PLEKHA5: variants seen among roughly 807,000 people sequenced by gnomAD.
The protein encoded by PLEKHA5 is pleckstrin homology domain containing A5.
A neutral mutation model predicts 181.9 loss-of-function variants in PLEKHA5; 55 were observed. The ratio of observed to expected loss-of-function variants is 0.30; its 90% CI spans 0.24 to 0.38. The LOEUF (loss-of-function observed/expected upper bound fraction) is 0.38, where lower values mean the gene tolerates loss of function less well. PLEKHA5 is among the 10% of genes least tolerant of loss of function. PLEKHA5 has a pLI of 1.00. For synonymous variants in PLEKHA5, 535 were observed against 529.4 expected, an observed-to-expected ratio of 1.01 and a Z score of -0.15; for missense variants, 1,432 against 1,549.5, an observed-to-expected ratio of 0.92 and a Z score of 1.27.
chr12:19,270,045 A>G, intron 9 of PLEKHA5, 143 bp from the exon 10 acceptor site: 7 of 625,600 alleles, frequency 1.1e-5, no homozygotes, highest in Non-Finnish European at 1.1e-5. Context: ...AATTAAATTA[A>G]TACACATTTT....
chr12:19,207,264 A>G (rs1243854659), intron 3 of PLEKHA5: 1 of 152,094 alleles, frequency 6.6e-6, no homozygotes, highest in African/African-American at 2.4e-5. Flanking sequence ...TTATTTTTTT[A>G]GTCCCAGATA....
intron 29 of PLEKHA5, among the ~76,000 whole-genome samples, chr12:19,362,048 C>T (rs1213656578): frequency 6.6e-6 from 1 of 150,738 alleles, no homozygotes; most frequent in Non-Finnish European, 1.5e-5. Context: ...TGCCTGTAGT[C>T]CTAGTCTGTA....
chr12:19,190,297 A>G (rs2050801303), intron 3 of PLEKHA5, among the ~76,000 whole-genome samples: 2 of 152,240 alleles, frequency 1.3e-5, no homozygotes, highest in African/African-American at 4.8e-5. Flanking sequence ...GAAGCATTGC[A>G]AACAAGTAAA....
chr12:19,281,044 T>G (rs1227291800), intron 11 of PLEKHA5, among the ~76,000 whole-genome samples: 1 of 152,002 alleles, frequency 6.6e-6, no homozygotes, highest in African/African-American at 2.4e-5. Flanking sequence ...ATGTTTCTTG[T>G]TCTGGTGGTG....
intron 25 of PLEKHA5, among the ~76,000 whole-genome samples, chr12:19,352,433 T>C (rs1181920500): frequency 6.6e-6 from 1 of 151,806 alleles, no homozygotes; most frequent in African/African-American, 2.4e-5. Flanking sequence ...TGAGTACCTA[T>C]AGTTAGCTAT....
rs1360107826 is a variant in PLEKHA5, at chr12:19,196,827, T to A, written c.228-57113T>A. On this transcript the variant is annotated intron_variant, in intron 3 of 31. Transcript: ENST00000429027. ...TTTTTTTTTTCTTTTTTTTTTTTTT[T>A]TAGAGAAATAGTGATTTTTCTTTTC... Among the ~76,000 whole-genome samples the A allele has an allele frequency of 2.5e-5, 3 of 117,810 alleles. No individual in the cohort carries two copies. In the East Asian group the frequency reaches 6.5e-4, roughly 26 times the overall value. 77.3% of individuals were successfully genotyped at this position (117,810 alleles called of 152,430 possible).
Position 19,272,572 on chromosome 12 carries a change from T to A in PLEKHA5, c.846-1944T>A, listed in dbSNP as rs1592276981. Among the ~76,000 whole-genome samples the A allele has an allele frequency of 2.0e-5, 3 of 152,036 alleles. 1 individual carries two copies. Among genetic ancestry groups the A allele is most frequent in the African/African-American group, 7.2e-5 (3 of 41,468 alleles). ...TAGGTGACCAGTGAGACCCCGTCTC[T>A]AAAAAAATTTAAAAATTAGCTAGGT... On this transcript the variant is annotated intron_variant, in intron 10 of 31. Transcript: ENST00000429027.
At chr12:19,200,137 G>A (rs1318527553) in intron 3 of PLEKHA5, among the ~76,000 whole-genome samples, 1 of 151,946 alleles carries the variant, frequency 6.6e-6, no homozygotes, top group African/African-American at 2.4e-5. Flanking sequence ...GACCTAAAAT[G>A]TTCCCAACAC....
intron 16 of PLEKHA5, among the ~76,000 whole-genome samples, chr12:19,317,851 A>C (rs913680362): frequency 6.6e-6 from 1 of 151,704 alleles, no homozygotes; most frequent in African/African-American, 2.4e-5. Flanking sequence ...TGTAATTACT[A>C]CATAGCCCAT....
intron 3 of PLEKHA5, among the ~76,000 whole-genome samples, chr12:19,239,614 C>T (rs2062081062): frequency 6.6e-6 from 1 of 152,164 alleles, no homozygotes; most frequent in Non-Finnish European, 1.5e-5. Flanking sequence ...TAAAAGAAAA[C>T]CTAGGAGGGG....
At chr12:19,186,467 C>G (rs2049885179) in intron 3 of PLEKHA5, among the ~76,000 whole-genome samples, 1 of 152,134 alleles carries the variant, frequency 6.6e-6, no homozygotes, top group Admixed American at 6.5e-5. Flanking sequence ...TGAAATAGAA[C>G]AAGAAAGTTG....
chr12:19,279,567 G>A (rs2075513387), intron 11 of PLEKHA5, among the ~76,000 whole-genome samples: 1 of 151,870 alleles, frequency 6.6e-6, no homozygotes, highest in Admixed American at 6.6e-5. Flanking sequence ...GGAGGCTGAG[G>A]CAGGAGAATC....
chr12:19,307,093 C>T (rs1214226753), intron 15 of PLEKHA5: 1 of 1,093,970 alleles, frequency 9.1e-7, no homozygotes, highest in East Asian at 2.4e-5. Flanking sequence ...GTTGCTGAAG[C>T]TTATGAGCAC....
intron 18 of PLEKHA5, among the ~76,000 whole-genome samples, chr12:19,321,967 G>A (rs1313328256): frequency 2.6e-5 from 4 of 152,088 alleles, no homozygotes; most frequent in Non-Finnish European, 5.9e-5. Context: ...AAACCCTGAT[G>A]AAAGTTATTT....
chr12:19,247,993 T>C (rs1262354024), intron 3 of PLEKHA5, among the ~76,000 whole-genome samples: 2 of 151,470 alleles, frequency 1.3e-5, no homozygotes, highest in Non-Finnish European at 2.9e-5. Context: ...AGTGCAGTGG[T>C]AATCATAGCT....
intron 12 of PLEKHA5, 95 bp downstream of exon 12, chr12:19,283,840 G>A (rs1057003053): frequency 1.4e-6 from 1 of 736,260 alleles, no homozygotes; most frequent in South Asian, 1.9e-5. Context: ...ACAAAAGAAT[G>A]GGGATAAAGT....
intron 3 of PLEKHA5, among the ~76,000 whole-genome samples, chr12:19,163,669 C>CCTATCTATCTAT (rs71440393): frequency 9.8e-4 from 147 of 150,754 alleles, no homozygotes; most frequent in African/African-American, 1.6e-3. Context: ...GTGTGGTCTT[C>CCTATCTATCTAT]CTATCTATCT....
chr12:19,213,552 T>G (rs2152221453), intron 3 of PLEKHA5, among the ~76,000 whole-genome samples: 1 of 151,886 alleles, frequency 6.6e-6, no homozygotes, highest in Admixed American at 6.6e-5. Flanking sequence ...TTTTTAAGGG[T>G]TTCAGTAGGG....
chr12:19,314,743 C>A, intron 15 of PLEKHA5, 71 bp from the exon 16 acceptor site: 1 of 786,496 alleles, frequency 1.3e-6, no homozygotes, highest in Non-Finnish European at 2.2e-6. Flanking sequence ...GCTATATTTA[C>A]AGTGTCGTCT....
Sources: allele counts gnomAD v4.1 joint callset (sites outside exome capture counted in the v4.1 genomes callset), GRCh38; gene constraint gnomAD v4.1.1; transcripts MANE v1.5; gene names NCBI Gene and HGNC (gene_info 2026-07-23, HGNC 2026-07-21).